The following VPS8 variants were observed in gnomAD, a reference collection of about 807,000 sequenced individuals.
VPS8 encodes VPS8 subunit of CORVET complex, also known as vacuolar protein sorting-associated protein 8 homolog.
In VPS8, 129 loss-of-function variants were observed where a neutral mutation model predicts 216.4. That is an observed-to-expected ratio of 0.60 (90% CI 0.52 to 0.69). The LOEUF (loss-of-function observed/expected upper bound fraction) is 0.69, where lower values mean the gene tolerates loss of function less well. Among genes scored for constraint, VPS8 ranks in the 30% least tolerant of loss-of-function variants. VPS8 has a pLI of 0.00. For missense variants in VPS8, 1,531 were observed against 1,683.5 expected (o/e 0.91, Z 1.59); for synonymous variants, 571 against 565.4 (o/e 1.01, Z -0.14).
intron 26 of VPS8, 151 bp from the exon 27 acceptor site, chr3:184,914,830 C>T: frequency 2.7e-6 from 2 of 735,440 alleles, no homozygotes; most frequent in Non-Finnish European, 4.6e-6. Flanking sequence ...TGGGTGTCAT[C>T]TTGACCTGCT....
At chr3:184,902,404 A>T in intron 25 of VPS8, among the ~76,000 whole-genome samples, 1 of 151,336 alleles carries the variant, frequency 6.6e-6, no homozygotes, top group Non-Finnish European at 1.5e-5. Context: ...TGAACCCAGG[A>T]GGCAGAGGTT....
chr3:184,990,725 C>T (rs919666340), intron 42 of VPS8, among the ~76,000 whole-genome samples: 2 of 152,168 alleles, frequency 1.3e-5, no homozygotes, highest in Non-Finnish European at 2.9e-5. Context: ...CTAATCAAGG[C>T]GTTTCTCATA....
At chr3:184,907,564 A>G (rs575174940) in intron 25 of VPS8, among the ~76,000 whole-genome samples, 13 of 152,308 alleles carry the variant, frequency 8.5e-5, no homozygotes, top group Non-Finnish European at 1.5e-4. Flanking sequence ...CTCTCCCAGC[A>G]TATGCTGACC....
intron 45 of VPS8, among the ~76,000 whole-genome samples, chr3:185,006,174 A>G (rs1754221772): frequency 6.6e-6 from 1 of 152,224 alleles, no homozygotes; most frequent in Admixed American, 6.5e-5. Context: ...ATTTTCCTCT[A>G]GCTCTCTGTG....
chr3:185,024,196 T>C, intron 45 of VPS8, 140 bp from the exon 46 acceptor site: 1 of 759,246 alleles, frequency 1.3e-6, no homozygotes, highest in Non-Finnish European at 2.0e-6. Flanking sequence ...TAACACAAAA[T>C]CTATTAATCT....
At chr3:184,940,878 G>T in intron 36 of VPS8, among the ~76,000 whole-genome samples, 1 of 152,138 alleles carries the variant, frequency 6.6e-6, no homozygotes. Context: ...GGAGTTGAGG[G>T]CAGTAATATT....
intron 42 of VPS8, among the ~76,000 whole-genome samples, chr3:184,990,745 C>T (rs559246443): frequency 6.6e-6 from 1 of 152,176 alleles, no homozygotes; most frequent in Non-Finnish European, 1.5e-5. Flanking sequence ...ACCCACCTCA[C>T]TGTATCAGAT....
chr3:185,048,856 G>A (rs7616493), intron 47 of VPS8, among the ~76,000 whole-genome samples: 1,684 of 152,284 alleles, frequency 0.011, 30 homozygotes, highest in African/African-American at 0.039. Context: ...TTGATCCCAG[G>A]AGGGCTTTGC....
In VPS8 at chr3:184,862,947, T is replaced by A; in HGVS notation, c.1275T>A (p.His425Gln). 1 of 1,613,954 alleles carries A rather than the reference T, an allele frequency of 6.2e-7. No homozygotes were observed. The highest frequency in any genetic ancestry group is 1.1e-5 in the South Asian group (1 of 91,088). The change falls in exon 16 of 48, where the codon CAT (histidine) becomes CAA (glutamine). Residue 425 changes from histidine to glutamine, a missense_variant. His to Gln is a conservative substitution (Grantham distance 24). This residue lies in a region of VPS8 where 1,318 missense variants were observed against 1,468.4 expected (regional missense o/e 0.90). Coordinates refer to ENST00000625842, the MANE Select transcript of VPS8 (RefSeq NM_001009921.3). The part of the protein sequence containing the change: ...VVLLDSVEKL[H>Q]VIDRQTQEEL... ...TCTTAGACAGCGTAGAGAAGTTGCA[T>A]GTGATTGATCGGCAAACACAAGAGG...
chr3:184,966,266 G>A (rs767812910), intron 38 of VPS8, among the ~76,000 whole-genome samples: 64 of 152,082 alleles, frequency 4.2e-4, no homozygotes, highest in Non-Finnish European at 8.4e-4. Flanking sequence ...ACAGAGGGGC[G>A]CACCAAGCCA....
At chr3:184,972,264 A>G (rs1748553514) in intron 40 of VPS8, among the ~76,000 whole-genome samples, 3 of 151,972 alleles carry the variant, frequency 2.0e-5, no homozygotes, top group Admixed American at 1.3e-4. Context: ...CTTTATATTC[A>G]TGGTTTGGCT....
Position 184,983,055 on chromosome 3 carries a change from A to G in VPS8, c.3546A>G (p.Ala1182=), listed in dbSNP as rs1293644980. 1.2e-6 allele frequency: 2 copies of G among 1,610,496 alleles called. No individual in the cohort carries two copies. The highest frequency in any genetic ancestry group is 2.2e-5 in the East Asian group (1 of 44,760). Residue 1182 remains alanine, a synonymous_variant, in exon 42 of 48, where the codon GCA becomes GCG. Coordinates refer to ENST00000625842, the MANE Select transcript of VPS8 (RefSeq NM_001009921.3). ...TGCAAGTTTTAAATAGCATGGCAGC[A>G]TTTATTGCCCTTCCATCAATCTTGC... The part of the protein sequence containing the change: ...LTMQVLNSMA[A]FIALPSILQR...
intron 8 of VPS8, among the ~76,000 whole-genome samples, chr3:184,844,156 T>C (rs1356993558): frequency 2.0e-5 from 3 of 152,208 alleles, no homozygotes; most frequent in African/African-American, 7.2e-5. Context: ...ATGTGGTGGC[T>C]CACACTTGTA....
chr3:185,018,376 T>C (rs747818331), intron 45 of VPS8, among the ~76,000 whole-genome samples: 1 of 152,222 alleles, frequency 6.6e-6, no homozygotes, highest in Non-Finnish European at 1.5e-5. Context: ...AGTGATTTTT[T>C]CCCAAGCCCT....
chr3:185,040,956 A>G (rs1711506005), intron 46 of VPS8, among the ~76,000 whole-genome samples: 1 of 152,128 alleles, frequency 6.6e-6, no homozygotes, highest in Non-Finnish European at 1.5e-5. Flanking sequence ...TAATCCCAGC[A>G]CTTTGGGAGG....
intron 46 of VPS8, among the ~76,000 whole-genome samples, chr3:185,047,598 A>G (rs1182218925): frequency 6.6e-6 from 1 of 152,224 alleles, no homozygotes; most frequent in Non-Finnish European, 1.5e-5. Context: ...ATCAACTTTT[A>G]ACTATGGGTA....
At chr3:184,816,717 G>A (rs60433771) in intron 1 of VPS8, among the ~76,000 whole-genome samples, 2,532 of 152,246 alleles carry the variant, frequency 0.017, 64 homozygotes, top group African/African-American at 0.057. Context: ...AGCCCCATAC[G>A]GCCAGATCTT....
chr3:185,052,330 C>A lies in VPS8; in HGVS notation c.*305C>A, dbSNP rs1314581461. On this transcript the variant is annotated 3_prime_UTR_variant, in exon 48 of 48. Coordinates refer to ENST00000625842, the MANE Select transcript of VPS8 (RefSeq NM_001009921.3). ...TACATTTCGCCTATTGCGACTTTTT[C>A]CATTTACCCTGAAGCCTAGAAAGTA... 8.5e-6 allele frequency: 2 copies of A among 234,790 alleles called. No homozygotes were observed. Among genetic ancestry groups the A allele is most frequent in the East Asian group, 2.1e-4 (2 of 9,374 alleles). 14.5% of individuals were successfully genotyped at this position (234,790 alleles called of 1,614,324 possible).
At chr3:184,838,821 C>A in intron 6 of VPS8, 75 bp downstream of exon 6, 1 of 1,125,700 alleles carries the variant, frequency 8.9e-7, no homozygotes, top group South Asian at 1.6e-5. Context: ...TTACATTGTT[C>A]AAAATACTAC....
Sources: gnomAD v4.1 joint callset for allele counts (sites outside exome capture counted in the v4.1 genomes callset) on GRCh38, gnomAD v4.1.1 for gene constraint, gnomAD v4.1.1 regional missense constraint, MANE v1.5 for transcripts, NCBI Gene and HGNC (gene_info 2026-07-23, HGNC 2026-07-21) for gene names.